Variants in ZNF704 observed in about 807,000 individuals in gnomAD.
ZNF704 encodes the protein glucocorticoid induced gene 1.
In ZNF704, 10 loss-of-function variants were observed where a neutral mutation model predicts 44.7. The observed-to-expected ratio is 0.22, with a 90% confidence interval of 0.14 to 0.38. The LOEUF (loss-of-function observed/expected upper bound fraction) is 0.38. Ranked by LOEUF, ZNF704 falls within the 10% of genes least tolerant of loss-of-function variation. ZNF704 has a pLI of 1.00. For synonymous variants in ZNF704, 211 were observed against 207.6 expected (o/e 1.02, Z -0.14); for missense variants, 390 against 545.5 (o/e 0.71, Z 2.84).
chr8:80,829,647 T>TA (rs1229743132), intron 1 of ZNF704, among the ~76,000 whole-genome samples: 2 of 152,170 alleles, frequency 1.3e-5, no homozygotes, highest in African/African-American at 4.8e-5. Flanking sequence ...GCAAATAGAA[T>TA]ACATTTCCTA....
intron 2 of ZNF704, among the ~76,000 whole-genome samples, chr8:80,708,800 T>C (rs974472469): frequency 1.3e-5 from 2 of 152,170 alleles, no homozygotes; most frequent in Non-Finnish European, 2.9e-5. Flanking sequence ...AATAGGCCTC[T>C]ATTAGTCAAC....
intron 2 of ZNF704, among the ~76,000 whole-genome samples, chr8:80,721,474 A>G (rs1245404701): frequency 6.6e-6 from 1 of 152,156 alleles, no homozygotes; most frequent in Non-Finnish European, 1.5e-5. Flanking sequence ...AAATATATTG[A>G]TATTTATATT....
intron 2 of ZNF704, among the ~76,000 whole-genome samples, chr8:80,736,461 G>C (rs567837841): frequency 6.6e-6 from 1 of 152,260 alleles, no homozygotes; most frequent in East Asian, 1.9e-4. Flanking sequence ...TGTATTTTTA[G>C]TAGAGACAGG....
chr8:80,692,440 T>C (rs1818654986), intron 3 of ZNF704, among the ~76,000 whole-genome samples: 1 of 152,224 alleles, frequency 6.6e-6, no homozygotes, highest in South Asian at 2.1e-4. Flanking sequence ...AATATGGCTA[T>C]GATTGATGGT....
chr8:80,695,448 C>T (rs1393493367), intron 2 of ZNF704, among the ~76,000 whole-genome samples: 1 of 152,240 alleles, frequency 6.6e-6, no homozygotes. Context: ...GAGGCCCGTG[C>T]ACCTGGTATA....
At chr8:80,834,644 C>A (rs1420057434) in intron 1 of ZNF704, among the ~76,000 whole-genome samples, 2 of 152,142 alleles carry the variant, frequency 1.3e-5, no homozygotes, top group Non-Finnish European at 2.9e-5. Context: ...TTAAGCCCTG[C>A]ATGTATTAGG....
intron 2 of ZNF704, among the ~76,000 whole-genome samples, chr8:80,773,773 T>C (rs1353808310): frequency 6.6e-6 from 1 of 152,214 alleles, no homozygotes; most frequent in East Asian, 1.9e-4. Flanking sequence ...CCATAGTTTC[T>C]CAGCAGAGAC....
At chr8:80,777,335 G>A (rs1807431198) in intron 2 of ZNF704, among the ~76,000 whole-genome samples, 1 of 152,094 alleles carries the variant, frequency 6.6e-6, no homozygotes, top group South Asian at 2.1e-4. Flanking sequence ...AATGAATAGT[G>A]AATCTGGCAG....
rs1240842271 is a variant in ZNF704, at chr8:80,874,055, G to C, written c.-22+516C>G. ...ACGCCGCGCCTGCATGCCTGAGCGCGGGGTTGCGGGCCGCGGCGCGGGGCC... is the reference window on the plus strand; with the variant it reads ...ACGCCGCGCCTGCATGCCTGAGCGCCGGGTTGCGGGCCGCGGCGCGGGGCC... On this transcript the variant is annotated intron_variant, in intron 1 of 8. Coordinates refer to ENST00000327835, the MANE Select transcript of ZNF704 (RefSeq NM_001033723.3). This position sits in a 1 kb window ranked among gnomAD's most constrained non-coding sequence, Gnocchi z 4.4. 5.4e-5 allele frequency among the ~76,000 whole-genome samples: 8 copies of C among 146,926 alleles called. No individual in the cohort carries two copies. The highest frequency in any genetic ancestry group is 2.0e-4 in the African/African-American group (8 of 40,926).
At chr8:80,794,112 C>T (rs1807759012) in intron 2 of ZNF704, among the ~76,000 whole-genome samples, 1 of 151,628 alleles carries the variant, frequency 6.6e-6, no homozygotes, top group African/African-American at 2.4e-5. Context: ...TAAGAGGTAA[C>T]AAAGCTACAA....
chr8:80,844,877 G>A (rs560736781), intron 1 of ZNF704, among the ~76,000 whole-genome samples: 5 of 148,762 alleles, frequency 3.4e-5, no homozygotes, highest in East Asian at 3.9e-4. Context: ...ACAGGGTTTC[G>A]CTGTGTTGCC....
chr8:80,775,572 A>AG, intron 2 of ZNF704, among the ~76,000 whole-genome samples: 1 of 152,222 alleles, frequency 6.6e-6, no homozygotes. Flanking sequence ...GCCAAACCTA[A>AG]GGTAGGTAAA....
chr8:80,839,548 A>G (rs1048093268), intron 1 of ZNF704, among the ~76,000 whole-genome samples: 17 of 152,240 alleles, frequency 1.1e-4, no homozygotes, highest in African/African-American at 3.9e-4. Flanking sequence ...AATACATATT[A>G]GAATAAATTT....
intron 2 of ZNF704, among the ~76,000 whole-genome samples, chr8:80,803,253 C>A (rs80271630): frequency 0.029 from 4,367 of 152,294 alleles, 107 homozygotes; most frequent in Non-Finnish European, 0.04. Context: ...TTAAAATGGT[C>A]ATACTGCCCA....
At chr8:80,847,326 G>T (rs1013664773) in intron 1 of ZNF704, among the ~76,000 whole-genome samples, 1 of 152,072 alleles carries the variant, frequency 6.6e-6, no homozygotes, top group Non-Finnish European at 1.5e-5. Flanking sequence ...AATAAATCAA[G>T]GAAGACCTAT....
chr8:80,818,931 A>G (rs1179838278), intron 2 of ZNF704, among the ~76,000 whole-genome samples: 2 of 152,156 alleles, frequency 1.3e-5, no homozygotes, highest in Non-Finnish European at 2.9e-5. Flanking sequence ...ATGGAAATAG[A>G]GTTTGAGAGT....
chr8:80,827,447 C>T (rs1563568037), intron 1 of ZNF704, among the ~76,000 whole-genome samples: 2 of 152,130 alleles, frequency 1.3e-5, no homozygotes, highest in Non-Finnish European at 2.9e-5. Context: ...GAAGAATATT[C>T]CATGCTCATG....
rs1384301669 is a variant in ZNF704, at chr8:80,631,220, G to A, written c.*10146C>T. 1 of 151,904 alleles carries A rather than the reference G, an allele frequency of 6.6e-6. No individual in the cohort carries two copies. Among genetic ancestry groups the A allele is most frequent in the Non-Finnish European group, 1.5e-5 (1 of 67,970 alleles). The allele number at this position is 151,904 out of a possible 1,614,324, so 9.4% of individuals were successfully genotyped here. A position where few individuals can be genotyped will look rare whatever the true frequency, so the allele number is the denominator to read the frequency against. On this transcript the variant is annotated 3_prime_UTR_variant, in exon 9 of 9. Coordinates refer to ENST00000327835, the MANE Select transcript of ZNF704 (RefSeq NM_001033723.3). ...TCCTCAACCTTTTTTGGGAAAGTAT[G>A]GGTAGTTTATCATGAAACTCCGCTG...
At chr8:80,851,699 A>T (rs1159204899) in intron 1 of ZNF704, among the ~76,000 whole-genome samples, 1 of 152,154 alleles carries the variant, frequency 6.6e-6, no homozygotes, top group Non-Finnish European at 1.5e-5. Context: ...CGTTGTGCAC[A>T]TGTACCCTAA....
Sources: gnomAD v4.1 joint callset for allele counts (sites outside exome capture counted in the v4.1 genomes callset) on GRCh38, gnomAD v4.1.1 for gene constraint, Gnocchi (gnomAD v3.1) non-coding constraint, MANE v1.5 for transcripts, NCBI Gene and HGNC (gene_info 2026-07-23, HGNC 2026-07-21) for gene names.